Variants in AGO2 observed in about 807,000 individuals in gnomAD.
AGO2 encodes argonaute RISC catalytic component 2.
In AGO2, 5 loss-of-function variants were observed where a neutral mutation model predicts 102.3. The observed-to-expected ratio is 0.05, with a 90% CI of 0.03 to 0.10. The LOEUF is 0.10. Among genes scored for constraint, AGO2 ranks in the 10% least tolerant of loss-of-function variants. AGO2 has a pLI of 1.00. For missense variants in AGO2, 541 were observed against 1,183.7 expected (o/e 0.46, Z 7.97); for synonymous variants, 449 against 473.1 (o/e 0.95, Z 0.66).
At chr8:140,578,287 A>C (rs1402732022) in intron 2 of AGO2, among the ~76,000 whole-genome samples, 2 of 152,200 alleles carry the variant, frequency 1.3e-5, no homozygotes, top group Non-Finnish European at 2.9e-5. Context: ...TTCTTTGTAA[A>C]ACTGTGATAA....
At chr8:140,555,144 G>A (rs924978292) in intron 10 of AGO2, among the ~76,000 whole-genome samples, 2 of 152,312 alleles carry the variant, frequency 1.3e-5, no homozygotes, top group South Asian at 4.1e-4. Context: ...GCTTAAGAAA[G>A]TCAGTGACCT....
At chr8:140,535,364 T>A in intron 17 of AGO2, 104 bp downstream of exon 17, 81 of 1,133,590 alleles carry the variant, frequency 7.1e-5, no homozygotes, top group East Asian at 2.8e-4. Flanking sequence ...TGTGGGCCCC[T>A]CACACCACAT....
chr8:140,616,908 C>T (rs548863278), intron 1 of AGO2, among the ~76,000 whole-genome samples: 19 of 152,340 alleles, frequency 1.2e-4, no homozygotes, highest in South Asian at 8.3e-4. Flanking sequence ...CTGCGTCCAG[C>T]GGAGCCCTGC....
intron 1 of AGO2, among the ~76,000 whole-genome samples, chr8:140,626,199 G>A (rs552168321): frequency 3.2e-4 from 48 of 152,296 alleles, no homozygotes; most frequent in South Asian, 6.2e-4. Context: ...GTCGGGGTCC[G>A]GCGCACCTGG....
intron 1 of AGO2, among the ~76,000 whole-genome samples, chr8:140,586,038 G>A (rs889030764): frequency 2.0e-5 from 3 of 152,248 alleles, no homozygotes; most frequent in African/African-American, 7.2e-5. Context: ...TAAACTCACT[G>A]AGTTACACCA....
intron 1 of AGO2, among the ~76,000 whole-genome samples, chr8:140,626,235 G>A (rs1176290348): frequency 2.0e-5 from 3 of 152,228 alleles, no homozygotes; most frequent in African/African-American, 2.4e-5. Flanking sequence ...AGTTCTGAGC[G>A]ACACAGGCCA....
rs938917519 is a variant in AGO2, at chr8:140,539,642, A to T, written c.2035-188T>A. On this transcript the variant is annotated intron_variant, in intron 15 of 18. Coordinates refer to ENST00000220592, the MANE Select transcript of AGO2 (RefSeq NM_012154.5). This position sits in a 1 kb window ranked among gnomAD's most constrained non-coding sequence, Gnocchi z 4.7. ...TCTGCAGGGAGGACTGGATGCAGGA[A>T]GCGGGGGCTTGGCACTCAGGAATGG... Among the ~76,000 whole-genome samples the T allele has an allele frequency of 1.1e-4, 17 of 152,314 alleles. No homozygotes were observed. The East Asian group carries it at 3.3e-3, about 29-fold the overall frequency.
At chr8:140,553,404 GTTTTTTGTTTTT>G (rs1459184315) in intron 10 of AGO2, among the ~76,000 whole-genome samples, 2 of 101,704 alleles carry the variant, frequency 2.0e-5, no homozygotes, top group Admixed American at 1.0e-4. Context: ...CAAGTTTTTT[GTTTTTTGTTTTT>G]TTTTTTTTTT....
At chr8:140,608,850 T>C (rs74377429) in intron 1 of AGO2, among the ~76,000 whole-genome samples, 9,489 of 152,296 alleles carry the variant, frequency 0.062, 640 homozygotes, top group Admixed American at 0.23. Flanking sequence ...TCTGGATACC[T>C]GAATCAGCCC....
chr8:140,584,137 A>G (rs1448507265), intron 2 of AGO2, among the ~76,000 whole-genome samples: 88 of 38,720 alleles, frequency 2.3e-3, no homozygotes, highest in Non-Finnish European at 4.3e-3. Context: ...GAAACTCAGT[A>G]AAAAAAAAAA....
At chr8:140,637,147 A>T (rs997111342), upstream of AGO2, 4 of 150,622 alleles carry the variant, frequency 2.7e-5, no homozygotes, top group African/African-American at 1.0e-4. Flanking sequence ...CTTAAACTGC[A>T]CTTTTACTTT....
At chr8:140,552,740 G>GCGCA (rs111262864) in intron 10 of AGO2, among the ~76,000 whole-genome samples, 4 of 130,974 alleles carry the variant, frequency 3.1e-5, no homozygotes, top group African/African-American at 9.1e-5. Flanking sequence ...GCGCGCGCGC[G>GCGCA]CACACACACA....
intron 3 of AGO2, among the ~76,000 whole-genome samples, chr8:140,564,857 T>C (rs2073254684): frequency 6.6e-6 from 1 of 152,026 alleles, no homozygotes; most frequent in East Asian, 1.9e-4. Context: ...CAAGACCAGC[T>C]GGGCGCAGTG....
chr8:140,587,642 C>A (rs2073678842), intron 1 of AGO2, among the ~76,000 whole-genome samples: 1 of 152,222 alleles, frequency 6.6e-6, no homozygotes, highest in Non-Finnish European at 1.5e-5. Flanking sequence ...GCACTGGATG[C>A]CCACCCTGGG....
At chr8:140,574,436 A>T (rs2073433833) in intron 2 of AGO2, among the ~76,000 whole-genome samples, 1 of 151,808 alleles carries the variant, frequency 6.6e-6, no homozygotes. Flanking sequence ...TAATTTTTAA[A>T]TTTTTTTGTA....
chr8:140,599,549 G>A (rs911543335), intron 1 of AGO2, among the ~76,000 whole-genome samples: 1 of 152,128 alleles, frequency 6.6e-6, no homozygotes, highest in Admixed American at 6.6e-5. Context: ...CCAGGTTTGC[G>A]TTTTGAATTT....
upstream of AGO2, among the ~76,000 whole-genome samples, chr8:140,638,976 TA>T (rs200818931): frequency 1.4e-3 from 218 of 152,182 alleles, 5 homozygotes; most frequent in East Asian, 0.037. Flanking sequence ...CTCCTGGACT[TA>T]AATAATCCTC....
intron 1 of AGO2, among the ~76,000 whole-genome samples, chr8:140,603,475 C>T (rs2073957618): frequency 6.6e-6 from 1 of 152,236 alleles, no homozygotes; most frequent in Admixed American, 6.5e-5. Flanking sequence ...CACCCAATTC[C>T]TGGGCACCTT....
At chr8:140,553,961 C>G (rs1189694696) in intron 10 of AGO2, among the ~76,000 whole-genome samples, 1 of 152,370 alleles carries the variant, frequency 6.6e-6, no homozygotes, top group South Asian at 2.1e-4. Context: ...CTTGGCCTCC[C>G]AAAGTGCTGG....
Sources: allele counts gnomAD v4.1 joint callset (sites outside exome capture counted in the v4.1 genomes callset), GRCh38; gene constraint gnomAD v4.1.1; non-coding constraint Gnocchi (gnomAD v3.1); transcripts MANE v1.5; gene names NCBI Gene and HGNC (gene_info 2026-07-23, HGNC 2026-07-21).